ARHGAP22: variants seen among roughly 807,000 people sequenced by gnomAD.
ARHGAP22 encodes the protein rho GTPase-activating protein 22.
Under a neutral mutation model 59.1 loss-of-function variants are expected in ARHGAP22, and 48 were observed. The ratio of observed to expected loss-of-function variants is 0.81; its 90% CI spans 0.64 to 1.03. The LOEUF is 1.03. Among genes scored for constraint, ARHGAP22 ranks in the 50% least tolerant of loss-of-function variants. The pLI is 0.00. For synonymous variants in ARHGAP22, 445 were observed against 416.4 expected, an observed-to-expected ratio of 1.07 and a Z score of -0.84; for missense variants, 1,015 against 958.7, an observed-to-expected ratio of 1.06 and a Z score of -0.78.
At chr10:48,654,700 T>A (rs2062688827), upstream of ARHGAP22, among the ~76,000 whole-genome samples, 1 of 151,936 alleles carries the variant, frequency 6.6e-6, no homozygotes, top group Admixed American at 6.6e-5. Flanking sequence ...GTGTGCTGTA[T>A]GAGAGGAGAG....
intron 2 of ARHGAP22, among the ~76,000 whole-genome samples, chr10:48,564,173 A>G (rs1457785510): frequency 1.3e-5 from 2 of 152,232 alleles, no homozygotes; most frequent in Non-Finnish European, 2.9e-5. Flanking sequence ...AATTTTAAGA[A>G]TTTGTTCTAA....
At chr10:48,655,102 C>T (rs971377959), upstream of ARHGAP22, among the ~76,000 whole-genome samples, 18 of 22,604 alleles carry the variant, frequency 8.0e-4, 3 homozygotes, top group South Asian at 1.2e-3. Context: ...CTCTTCTCTT[C>T]TCTTCTCTTC....
At chr10:48,606,032 C>T (rs920250192), upstream of ARHGAP22, among the ~76,000 whole-genome samples, 3 of 152,118 alleles carry the variant, frequency 2.0e-5, no homozygotes, top group African/African-American at 2.4e-5. Context: ...CCTCTGTGCC[C>T]CTGATAATCA....
intron 3 of ARHGAP22, among the ~76,000 whole-genome samples, chr10:48,491,501 T>C (rs2050385959): frequency 6.6e-6 from 1 of 152,274 alleles, no homozygotes; most frequent in African/African-American, 2.4e-5. Flanking sequence ...GTATGTATTT[T>C]ATGTGTTTAC....
intron 1 of ARHGAP22, among the ~76,000 whole-genome samples, chr10:48,636,520 G>A (rs2061824348): frequency 2.0e-5 from 3 of 152,186 alleles, no homozygotes; most frequent in South Asian, 4.2e-4. Flanking sequence ...CTGAATCCAT[G>A]GGTTGCATCG....
At chr10:48,513,362 G>C (rs1441662225) in intron 3 of ARHGAP22, among the ~76,000 whole-genome samples, 4 of 152,206 alleles carry the variant, frequency 2.6e-5, no homozygotes, top group Non-Finnish European at 5.9e-5. Context: ...AGACGTGAGA[G>C]GGCCTCTGTC....
chr10:48,553,126 G>T (rs1028202500), intron 3 of ARHGAP22, among the ~76,000 whole-genome samples: 1 of 152,260 alleles, frequency 6.6e-6, no homozygotes, highest in African/African-American at 2.4e-5. Flanking sequence ...GAGGGGAGCA[G>T]AGGGGACCAC....
intron 1 of ARHGAP22, among the ~76,000 whole-genome samples, chr10:48,599,465 T>G (rs935781283): frequency 6.6e-6 from 1 of 152,234 alleles, no homozygotes; most frequent in African/African-American, 2.4e-5. Context: ...TTAAATCAGT[T>G]CTGACTCCTC....
At chr10:48,463,785 C>A (rs2047384837) in intron 4 of ARHGAP22, among the ~76,000 whole-genome samples, 1 of 152,212 alleles carries the variant, frequency 6.6e-6, no homozygotes, top group Non-Finnish European at 1.5e-5. Context: ...GGTTGCTGAA[C>A]TGCCCAGAGC....
intron 3 of ARHGAP22, among the ~76,000 whole-genome samples, chr10:48,518,500 G>A (rs10857590): frequency 0.21 from 31,998 of 152,248 alleles, 3,483 homozygotes; most frequent in East Asian, 0.26. Flanking sequence ...AGGAAATAGT[G>A]ACACTTAGGC....
chr10:48,437,050 C>T, the ARHGAP22 span: 1 of 152,210 alleles, frequency 6.6e-6, no homozygotes, highest in Non-Finnish European at 1.5e-5. Flanking sequence ...GATAAGCCAT[C>T]TCTATTGATA....
intron 3 of ARHGAP22, among the ~76,000 whole-genome samples, chr10:48,505,667 T>TG: frequency 6.6e-6 from 1 of 152,134 alleles, no homozygotes; most frequent in South Asian, 2.1e-4. Flanking sequence ...CTAGGATGGG[T>TG]GGATGGGGAT....
chr10:48,548,350 C>T (rs2056627710), intron 3 of ARHGAP22, among the ~76,000 whole-genome samples: 1 of 152,138 alleles, frequency 6.6e-6, no homozygotes, highest in East Asian at 1.9e-4. Flanking sequence ...CTCCCCCGGC[C>T]CCACCCCATT....
the ARHGAP22 span, chr10:48,439,201 G>T: frequency 6.6e-6 from 1 of 150,858 alleles, no homozygotes; most frequent in Non-Finnish European, 1.5e-5. Flanking sequence ...ACAAAATGGG[G>T]CACTTTTTAG....
chr10:48,444,127 G>A (rs1422771116), downstream of ARHGAP22: 2 of 152,166 alleles, frequency 1.3e-5, no homozygotes, highest in African/African-American at 2.4e-5. Flanking sequence ...CCTCTACTGA[G>A]TCTGTCTAAA....
chr10:48,454,565 G>A (rs1407377397), intron 6 of ARHGAP22, among the ~76,000 whole-genome samples: 1 of 152,180 alleles, frequency 6.6e-6, no homozygotes, highest in East Asian at 1.9e-4. Context: ...GTGGGGACGG[G>A]AGGGCTGGCT....
At position 48,615,229 on chromosome 10, in the gene ARHGAP22, A is replaced by G. The variant is rs575730934; in HGVS notation, c.53-32077T>C. ...AGTGAAAGCTAAAACACGGTTGTAA[A>G]TTTCTGGGCTGAGTCTTGAAGGCAT... On this transcript the variant is annotated intron_variant, in intron 1 of 9. Coordinates refer to the ARHGAP22 transcript ENST00000435790. Among the ~76,000 whole-genome samples the G allele has an allele frequency of 9.8e-5, 15 of 152,320 alleles. No individual in the cohort carries two copies. The South Asian group carries it at 2.9e-3, about 29-fold the overall frequency.
intron 4 of ARHGAP22, among the ~76,000 whole-genome samples, chr10:48,470,328 A>G: frequency 6.6e-6 from 1 of 152,278 alleles, no homozygotes; most frequent in South Asian, 2.1e-4. Context: ...CTAGCTTACC[A>G]GGCTCTCCCT....
chr10:48,569,237 CTGGCTGTGCCAGGCT>C (rs950869173), intron 2 of ARHGAP22, among the ~76,000 whole-genome samples: 2 of 152,224 alleles, frequency 1.3e-5, no homozygotes, highest in Non-Finnish European at 2.9e-5. Context: ...TTGACCTGCC[CTGGCTGTGCCAGGCT>C]GATCTGCTGA....
Sources: allele counts gnomAD v4.1 joint callset (sites outside exome capture counted in the v4.1 genomes callset), GRCh38; gene constraint gnomAD v4.1.1; transcripts MANE v1.5; gene names NCBI Gene and HGNC (gene_info 2026-07-23, HGNC 2026-07-21).